The following LRGUK variants were observed in gnomAD, a reference collection of about 807,000 sequenced individuals.
The protein encoded by LRGUK is leucine rich repeats and guanylate kinase domain containing.
A neutral mutation model predicts 76.0 loss-of-function variants in LRGUK; 65 were observed. The observed-to-expected ratio is 0.85, with a 90% CI of 0.70 to 1.05. The LOEUF is 1.05. LRGUK is among the 50% of genes least tolerant of loss of function. The probability of loss-of-function intolerance (pLI) is 0.00; values close to 1 mark genes in which losing one functional copy is unlikely to be tolerated. For missense variants in LRGUK, 758 were observed against 732.8 expected (o/e 1.03, Z -0.40); for synonymous variants, 268 against 265.6 (o/e 1.01, Z -0.09).
In LRGUK at chr7:134,249,634, G is replaced by T. The variant is rs143615749; in HGVS notation, c.2198+558G>T. ...TTAGTATGACGCTGTATTTCAAAAT[G>T]TTTACCAATGGAAGTGCAATACATA... On this transcript the variant is annotated intron_variant, in intron 18 of 19. Transcript: ENST00000285928. Among the ~76,000 whole-genome samples the T allele has an allele frequency of 4.5e-3, 685 of 152,230 alleles. 2 individuals are homozygous for T. Among genetic ancestry groups the T allele is most frequent in the African/African-American group, 0.015 (640 of 41,534 alleles).
At chr7:134,265,192 C>A (rs1471227763), downstream of LRGUK, among the ~76,000 whole-genome samples, 1 of 152,128 alleles carries the variant, frequency 6.6e-6, no homozygotes, top group East Asian at 1.9e-4. Flanking sequence ...TTAACTTTCA[C>A]AAGTATCGTC....
chr7:134,151,439 C>A (rs1410960195), intron 5 of LRGUK, among the ~76,000 whole-genome samples: 1 of 151,874 alleles, frequency 6.6e-6, no homozygotes, highest in Non-Finnish European at 1.5e-5. Context: ...AATCTTTCTA[C>A]CAAAAAAGCC....
chr7:134,202,259 T>A (rs1800801037), intron 15 of LRGUK, among the ~76,000 whole-genome samples: 1 of 152,010 alleles, frequency 6.6e-6, no homozygotes, highest in South Asian at 2.1e-4. Context: ...GAGATGTATT[T>A]AAAAGTCTCC....
At chr7:134,209,318 A>C (rs1182121938) in exon 16 of LRGUK, 1 of 399,364 alleles carries the variant, frequency 2.5e-6, no homozygotes, top group Non-Finnish European at 4.4e-6. Context: ...TCCACCCAGC[A>C]GTTCCCACCA....
intron 16 of LRGUK, among the ~76,000 whole-genome samples, chr7:134,240,196 G>A (rs540726113): frequency 5.0e-4 from 76 of 152,332 alleles, no homozygotes; most frequent in African/African-American, 1.6e-3. Flanking sequence ...AAAGCTGGAC[G>A]GAGAATGACT....
intron 8 of LRGUK, among the ~76,000 whole-genome samples, chr7:134,176,052 C>G (rs984974526): frequency 6.6e-6 from 1 of 152,174 alleles, no homozygotes; most frequent in African/African-American, 2.4e-5. Flanking sequence ...AGACGCTTCA[C>G]TTTTCTGAGG....
chr7:134,255,665 T>C (rs1402960605), intron 18 of LRGUK, among the ~76,000 whole-genome samples: 1 of 152,248 alleles, frequency 6.6e-6, no homozygotes, highest in Non-Finnish European at 1.5e-5. Context: ...ACATTCTCTG[T>C]GGCTTTCTAA....
At chr7:134,145,639 A>G (rs981787401) in intron 4 of LRGUK, among the ~76,000 whole-genome samples, 1 of 152,192 alleles carries the variant, frequency 6.6e-6, no homozygotes, top group South Asian at 2.1e-4. Flanking sequence ...AGGTTAGGTA[A>G]CTAACTTCAC....
intron 15 of LRGUK, among the ~76,000 whole-genome samples, chr7:134,216,241 C>CA (rs1224915174): frequency 5.3e-5 from 8 of 151,690 alleles, no homozygotes; most frequent in African/African-American, 7.3e-5. Context: ...ATGAAAGCAG[C>CA]AAAAAAATGT....
At chr7:134,256,521 C>A (rs2117222194) in intron 18 of LRGUK, among the ~76,000 whole-genome samples, 1 of 151,030 alleles carries the variant, frequency 6.6e-6, no homozygotes, top group South Asian at 2.1e-4. Context: ...TCCAAGCCAG[C>A]ATCTTTCTAT....
At chr7:134,216,821 T>C (rs1054943767) in intron 15 of LRGUK, among the ~76,000 whole-genome samples, 3 of 152,154 alleles carry the variant, frequency 2.0e-5, no homozygotes, top group Admixed American at 2.0e-4. Flanking sequence ...AGACAGAGAA[T>C]GTTTTTGCTG....
Position 134,163,617 on chromosome 7 carries a change from A to C in LRGUK, c.939+77A>C, listed in dbSNP as rs912940338. On this transcript the variant is annotated intron_variant, in intron 7 of 15. Coordinates refer to ENST00000645682, the Ensembl canonical transcript of LRGUK. ...ATTAGAGACTTAGCACACACCCTTC[A>C]TTTTTGGTTTCTTAAGGGCGGACAC... 2.2e-6 allele frequency: 3 copies of C among 1,341,878 alleles called. No individual in the cohort carries two copies. The South Asian group carries it at 6.7e-5, about 30-fold the overall frequency. The allele number at this position is 1,341,878 out of a possible 1,614,324, so 83.1% of individuals were successfully genotyped here. A position where few individuals can be genotyped will look rare whatever the true frequency, so the allele number is the denominator to read the frequency against.
At chr7:134,189,781 T>G (rs550967976) in intron 11 of LRGUK, among the ~76,000 whole-genome samples, 5 of 152,346 alleles carry the variant, frequency 3.3e-5, no homozygotes, top group Admixed American at 3.3e-4. Flanking sequence ...TGTGAAGAAA[T>G]GCCAATGTAT....
chr7:134,174,107 C>CTAAA (rs1799380120), intron 7 of LRGUK, among the ~76,000 whole-genome samples: 2 of 80,684 alleles, frequency 2.5e-5, no homozygotes, highest in Admixed American at 1.1e-4. Context: ...GACTCCATCG[C>CTAAA]AAAAAAAAAA....
chr7:134,195,004 C>T (rs756120398), intron 12 of LRGUK, among the ~76,000 whole-genome samples: 8 of 152,112 alleles, frequency 5.3e-5, no homozygotes, highest in African/African-American at 1.9e-4. Flanking sequence ...TTAAGGACAA[C>T]TTAGTGGGTG....
chr7:134,242,721 G>C (rs187609830), intron 16 of LRGUK, among the ~76,000 whole-genome samples: 105 of 152,226 alleles, frequency 6.9e-4, no homozygotes, highest in African/African-American at 2.5e-3. Flanking sequence ...ACATCATCCT[G>C]ATACTAAAGC....
chr7:134,208,879 G>T, exon 16 of LRGUK: 1 of 399,016 alleles, frequency 2.5e-6, no homozygotes, highest in Middle Eastern at 6.3e-4. Context: ...AGAACCAAGA[G>T]CTGGCTCAGG....
intron 16 of LRGUK, among the ~76,000 whole-genome samples, chr7:134,224,009 G>T (rs1255734927): frequency 6.6e-6 from 1 of 152,136 alleles, no homozygotes; most frequent in African/African-American, 2.4e-5. Flanking sequence ...GGCTCCCTCT[G>T]CATGAGGAAC....
At chr7:134,258,218 T>C (rs1454915756) in intron 18 of LRGUK, 39 bp from the exon 19 acceptor site, 1 of 1,612,664 alleles carries the variant, frequency 6.2e-7, no homozygotes, top group East Asian at 2.2e-5. Context: ...AGCGAATAGT[T>C]TGGATCTCAA....
Sources: gnomAD v4.1 joint callset for allele counts (sites outside exome capture counted in the v4.1 genomes callset) on GRCh38, gnomAD v4.1.1 for gene constraint, MANE v1.5 for transcripts, NCBI Gene and HGNC (gene_info 2026-07-23, HGNC 2026-07-21) for gene names.